Variants in SLC9A6 observed in about 807,000 individuals in gnomAD.
SLC9A6 encodes the protein sodium/hydrogen exchanger 6.
SLC9A6 carries 6 observed loss-of-function variants against 45.3 expected under a neutral mutation model. The ratio of observed to expected loss-of-function variants is 0.13; its 90% confidence interval spans 0.07 to 0.26. The LOEUF is 0.26. Ranked by LOEUF, SLC9A6 falls within the 10% of genes least tolerant of loss-of-function variation. The probability of loss-of-function intolerance (pLI) is 1.00; values close to 1 mark genes in which losing one functional copy is unlikely to be tolerated. For missense variants in SLC9A6, 278 were observed against 503.7 expected (o/e 0.55, Z 4.29); for synonymous variants, 191 against 187.7 (o/e 1.02, Z -0.14).
intron 17 of SLC9A6, among the ~76,000 whole-genome samples, chrX:136,042,286 T>G (rs2071526258): frequency 9.1e-6 from 1 of 110,185 alleles, no homozygotes; most frequent in African/African-American, 3.3e-5. Flanking sequence ...GCGATTCTTA[T>G]GCCTCAGCCT....
chrX:136,039,486 A>T (rs2071471170), intron 16 of SLC9A6, among the ~76,000 whole-genome samples: 2 of 111,160 alleles, frequency 1.8e-5, no homozygotes, highest in Admixed American at 9.6e-5. Context: ...CATGATACAT[A>T]GTTTTTTAAA....
intron 1 of SLC9A6, among the ~76,000 whole-genome samples, chrX:135,977,613 A>G (rs782770014): frequency 1.7e-4 from 19 of 112,000 alleles, no homozygotes; most frequent in Non-Finnish European, 3.4e-4. Context: ...TGAGCTATTT[A>G]TATTTCGTAC....
At chrX:135,974,827 G>A (rs1006375541) in intron 1 of SLC9A6, 12 of 297,643 alleles carry the variant, frequency 4.0e-5, no homozygotes, top group African/African-American at 2.5e-4. Flanking sequence ...AGCGCGGGGG[G>A]AGTGTTTTGT....
At chrX:136,018,618 T>A (rs2071066177) in intron 11 of SLC9A6, among the ~76,000 whole-genome samples, 1 of 111,918 alleles carries the variant, frequency 8.9e-6, no homozygotes, top group Non-Finnish European at 1.9e-5. Context: ...TAGGGATCTT[T>A]GGACTGAAGG....
At chrX:136,044,296 G>T (rs1370520884) in intron 17 of SLC9A6, among the ~76,000 whole-genome samples, 156 bp from the exon 18 acceptor site, 2 of 111,194 alleles carry the variant, frequency 1.8e-5, no homozygotes, top group African/African-American at 6.5e-5. Flanking sequence ...GCCAAGTCAC[G>T]CTGTATTTTA....
chrX:136,018,653 A>G (rs2071066764), intron 11 of SLC9A6, among the ~76,000 whole-genome samples: 1 of 112,106 alleles, frequency 8.9e-6, no homozygotes, highest in African/African-American at 3.2e-5. Context: ...AGGAATGATC[A>G]GAGTGGGATA....
chrX:136,012,084 C>T (rs781978243), intron 8 of SLC9A6, among the ~76,000 whole-genome samples: 9 of 111,689 alleles, frequency 8.1e-5, no homozygotes, highest in Non-Finnish European at 1.7e-4. Context: ...TGCGAGACTC[C>T]GTCTCAAAAA....
chrX:136,003,382 A>AT (rs1556617605), intron 7 of SLC9A6, among the ~76,000 whole-genome samples: 1 of 112,223 alleles, frequency 8.9e-6, no homozygotes, highest in African/African-American at 3.2e-5. Context: ...TTTGCCTCTC[A>AT]TTTCTTATTT....
chrX:135,996,023 CTTTTTTTTT>C (rs1167208674), intron 3 of SLC9A6, among the ~76,000 whole-genome samples: 1 of 55,352 alleles, frequency 1.8e-5, no homozygotes, highest in East Asian at 6.2e-4. Flanking sequence ...CAGGACTTGA[CTTTTTTTTT>C]TTTTTTTTTT....
intron 13 of SLC9A6, among the ~76,000 whole-genome samples, chrX:136,027,002 C>T (rs1339144199): frequency 8.9e-6 from 1 of 111,738 alleles, no homozygotes. Context: ...GGACAGGCTC[C>T]TCACCACCTG....
upstream of SLC9A6, among the ~76,000 whole-genome samples, chrX:135,982,410 G>T (rs782277070): frequency 6.0e-5 from 6 of 100,622 alleles, no homozygotes; most frequent in South Asian, 3.1e-3. Flanking sequence ...GTTGGGGGGG[G>T]CGGTGATTGT....
At chrX:136,018,760 A>T (rs973014352) in intron 11 of SLC9A6, among the ~76,000 whole-genome samples, 16 of 110,727 alleles carry the variant, frequency 1.4e-4, no homozygotes, top group African/African-American at 4.6e-4. Flanking sequence ...CATCAGAATG[A>T]AGATTCTGCC....
chrX:135,999,336 C>G (rs1206976115), intron 6 of SLC9A6, among the ~76,000 whole-genome samples: 2 of 110,510 alleles, frequency 1.8e-5, no homozygotes, highest in African/African-American at 6.6e-5. Flanking sequence ...TATATATTTC[C>G]TTTCAAGCTT....
upstream of SLC9A6, chrX:135,973,985 A>G (rs1556612970): frequency 1.1e-6 from 1 of 940,671 alleles, no homozygotes; most frequent in Non-Finnish European, 1.4e-6. Context: ...GGGGAAGCGA[A>G]GAGGAAGGGC....
intron 7 of SLC9A6, among the ~76,000 whole-genome samples, chrX:136,004,026 G>T (rs1874326202): frequency 9.4e-6 from 1 of 106,846 alleles, no homozygotes; most frequent in African/African-American, 3.4e-5. Flanking sequence ...TAAGGTGTTT[G>T]CAGGTTGAAG....
chrX:136,015,915 G>T (rs1191815187), intron 10 of SLC9A6, among the ~76,000 whole-genome samples: 1 of 110,247 alleles, frequency 9.1e-6, no homozygotes, highest in East Asian at 2.8e-4. Flanking sequence ...TGGCCAGAGG[G>T]ACACGAGATT....
At chrX:135,975,876 C>T (rs2148123638) in intron 1 of SLC9A6, among the ~76,000 whole-genome samples, 1 of 106,944 alleles carries the variant, frequency 9.4e-6, no homozygotes, top group South Asian at 4.1e-4. Context: ...ACTTGGGAAG[C>T]TAAAGAAGGA....
At chrX:136,003,953 G>A (rs1556617647) in intron 7 of SLC9A6, among the ~76,000 whole-genome samples, 1 of 110,177 alleles carries the variant, frequency 9.1e-6, no homozygotes, top group African/African-American at 3.3e-5. Flanking sequence ...CAATTTAATT[G>A]CAGACAATTT....
At chrX:136,001,015 TTTC>T (rs1276642468) in intron 6 of SLC9A6, among the ~76,000 whole-genome samples, 2 of 109,630 alleles carry the variant, frequency 1.8e-5, no homozygotes, top group Non-Finnish European at 3.8e-5. Flanking sequence ...AAAATGCAAG[TTTC>T]TTGTTTTTAT....
Sources: allele counts gnomAD v4.1 joint callset (sites outside exome capture counted in the v4.1 genomes callset), GRCh38; gene constraint gnomAD v4.1.1; transcripts MANE v1.5; gene names NCBI Gene and HGNC (gene_info 2026-07-23, HGNC 2026-07-21).